The following MAPK4 variants were observed in gnomAD, a reference collection of about 807,000 sequenced individuals.
MAPK4 encodes mitogen-activated protein kinase 4, also known as Erk3-related.
In MAPK4, 22 loss-of-function variants were observed where a neutral mutation model predicts 47.7. The observed-to-expected ratio is 0.46, with a 90% CI of 0.33 to 0.66. The LOEUF is 0.66. Ranked by LOEUF, MAPK4 falls within the 30% of genes least tolerant of loss-of-function variation. The pLI, the probability that MAPK4 is intolerant of heterozygous loss-of-function variation, is 0.02. For missense variants in MAPK4, 736 were observed against 831.7 expected (o/e 0.88, Z 1.42); for synonymous variants, 390 against 365.7 (o/e 1.07, Z -0.76).
chr18:50,719,682 A>G (rs1306779255), intron 3 of MAPK4, among the ~76,000 whole-genome samples: 2 of 152,198 alleles, frequency 1.3e-5, no homozygotes, highest in East Asian at 3.9e-4. Context: ...CTGCCCTTCC[A>G]ACAGGCTGAC....
intron 1 of MAPK4, among the ~76,000 whole-genome samples, chr18:50,653,971 T>G (rs1236077713): frequency 6.6e-6 from 1 of 152,238 alleles, no homozygotes; most frequent in Non-Finnish European, 1.5e-5. Flanking sequence ...GCAGAGGCTC[T>G]CAGGAGTGCT....
intron 2 of MAPK4, among the ~76,000 whole-genome samples, chr18:50,691,405 A>C (rs1028639916): frequency 6.6e-6 from 1 of 151,814 alleles, no homozygotes; most frequent in Non-Finnish European, 1.5e-5. Context: ...GGTACCAAAG[A>C]GGTGGGAACA....
chr18:50,673,335 C>A (rs541862645), intron 2 of MAPK4, among the ~76,000 whole-genome samples: 24 of 152,308 alleles, frequency 1.6e-4, no homozygotes, highest in African/African-American at 5.3e-4. Flanking sequence ...GGAAGCCCAG[C>A]CTGCTCACTC....
chr18:50,707,215 G>A (rs10221320), intron 2 of MAPK4, among the ~76,000 whole-genome samples: 13,024 of 152,096 alleles, frequency 0.086, 720 homozygotes, highest in Middle Eastern at 0.18. Context: ...AGAGGCAGGG[G>A]GCAAGAACAA....
chr18:50,695,645 G>A (rs955405603), intron 2 of MAPK4, among the ~76,000 whole-genome samples: 1 of 152,244 alleles, frequency 6.6e-6, no homozygotes, highest in Non-Finnish European at 1.5e-5. Context: ...CACGCGTGCA[G>A]TAGAGAGAGC....
chr18:50,675,305 C>G (rs1908197470), intron 2 of MAPK4, among the ~76,000 whole-genome samples: 1 of 151,106 alleles, frequency 6.6e-6, no homozygotes. Context: ...TGACCTCCTT[C>G]TTGGCAAACC....
At chr18:50,714,923 T>G (rs911845505) in intron 2 of MAPK4, among the ~76,000 whole-genome samples, 156 bp from the exon 3 acceptor site, 3 of 152,128 alleles carry the variant, frequency 2.0e-5, no homozygotes, top group Admixed American at 1.3e-4. Context: ...ACCAGACGTC[T>G]GTTCACTCAT....
intron 1 of MAPK4, among the ~76,000 whole-genome samples, chr18:50,631,396 T>C (rs895259391): frequency 2.6e-5 from 4 of 152,166 alleles, no homozygotes; most frequent in Non-Finnish European, 4.4e-5. Flanking sequence ...AATATTCTGG[T>C]ACATCCAGAA....
chr18:50,597,019 C>T (rs565935700), intron 1 of MAPK4, among the ~76,000 whole-genome samples: 4 of 152,146 alleles, frequency 2.6e-5, no homozygotes, highest in Non-Finnish European at 5.9e-5. Flanking sequence ...ATTTTGGCAT[C>T]GGATCTTAAG....
chr18:50,638,047 G>T (rs1415951537), intron 1 of MAPK4, among the ~76,000 whole-genome samples: 1 of 152,206 alleles, frequency 6.6e-6, no homozygotes, highest in African/African-American at 2.4e-5. Flanking sequence ...CATCATGCAT[G>T]TAAAGGTCCT....
intron 1 of MAPK4, among the ~76,000 whole-genome samples, 171 bp from the exon 2 acceptor site, chr18:50,662,918 G>T (rs3813087): frequency 0.33 from 50,776 of 152,118 alleles, 9,515 homozygotes; most frequent in Non-Finnish European, 0.41. Context: ...GGAGTGCTAC[G>T]CACAGCAGGA....
chr18:50,650,835 T>C (rs2043040635), intron 1 of MAPK4, among the ~76,000 whole-genome samples: 1 of 152,224 alleles, frequency 6.6e-6, no homozygotes, highest in Non-Finnish European at 1.5e-5. Context: ...ACTTAATTAT[T>C]TGAGGAGGAG....
At chr18:50,638,492 C>A (rs140646858) in intron 1 of MAPK4, among the ~76,000 whole-genome samples, 51 of 152,320 alleles carry the variant, frequency 3.3e-4, no homozygotes, top group African/African-American at 1.1e-3. Context: ...CCAAGAGCCG[C>A]TGCACCCTGA....
intron 1 of MAPK4, among the ~76,000 whole-genome samples, chr18:50,565,874 G>A (rs79087678): frequency 0.021 from 3,219 of 152,262 alleles, 111 homozygotes; most frequent in African/African-American, 0.073. Flanking sequence ...CCATAACCAG[G>A]AAATTGACTA....
chr18:50,632,263 C>T (rs184617836), intron 1 of MAPK4, among the ~76,000 whole-genome samples: 102 of 152,314 alleles, frequency 6.7e-4, no homozygotes, highest in African/African-American at 2.1e-3. Context: ...TGGGAGTTAC[C>T]GTGGGCATTC....
Position 50,646,028 on chromosome 18 carries a change from C to T in MAPK4, c.-870-17061C>T, listed in dbSNP as rs569318681. On this transcript the variant is annotated intron_variant, in intron 1 of 5. Coordinates refer to ENST00000400384, the MANE Select transcript of MAPK4 (RefSeq NM_002747.4). ...TTTACTTTTCACACTGACTTCATAG[C>T]TGTTGCTTTTAACTCTTACAAAAAC... Among the ~76,000 whole-genome samples, 20 of 152,318 alleles carry T rather than the reference C, an allele frequency of 1.3e-4. No homozygotes were observed. The South Asian group carries it at 4.1e-3, about 32-fold the overall frequency.
chr18:50,594,999 A>G (rs943404331), intron 1 of MAPK4, among the ~76,000 whole-genome samples: 2 of 152,324 alleles, frequency 1.3e-5, no homozygotes, highest in African/African-American at 2.4e-5. Context: ...GAAAACCACA[A>G]TGGGATACTA....
chr18:50,641,944 A>G (rs764986284), intron 1 of MAPK4, among the ~76,000 whole-genome samples: 27 of 152,224 alleles, frequency 1.8e-4, no homozygotes, highest in Non-Finnish European at 3.1e-4. Flanking sequence ...GTATTTTACA[A>G]AAGCCTTCTG....
intron 1 of MAPK4, among the ~76,000 whole-genome samples, chr18:50,607,220 T>C (rs2042590371): frequency 6.6e-6 from 1 of 152,206 alleles, no homozygotes; most frequent in Non-Finnish European, 1.5e-5. Context: ...ATCATTTCAA[T>C]AATTCCTTCT....
Sources: gnomAD v4.1 joint callset for allele counts (sites outside exome capture counted in the v4.1 genomes callset) on GRCh38, gnomAD v4.1.1 for gene constraint, MANE v1.5 for transcripts, NCBI Gene and HGNC (gene_info 2026-07-23, HGNC 2026-07-21) for gene names.